Variants in DYM observed in about 807,000 individuals in gnomAD.
The protein encoded by DYM is dymeclin, also known as dyggve-Melchior-Clausen syndrome protein.
In DYM, 78 loss-of-function variants were observed where a neutral mutation model predicts 93.1. The observed-to-expected ratio is 0.84, with a 90% CI of 0.70 to 1.01. The LOEUF (loss-of-function observed/expected upper bound fraction) is 1.01. Among genes scored for constraint, DYM ranks in the 50% least tolerant of loss-of-function variants. The pLI is 0.00. For synonymous variants in DYM, 321 were observed against 319.7 expected, an observed-to-expected ratio of 1.00 and a Z score of -0.04; for missense variants, 789 against 845.0, an observed-to-expected ratio of 0.93 and a Z score of 0.82.
intron 17 of DYM, among the ~76,000 whole-genome samples, chr18:49,071,069 G>A (rs1243055139): frequency 6.6e-6 from 1 of 152,156 alleles, no homozygotes; most frequent in Admixed American, 6.5e-5. Flanking sequence ...GTTCCTGTAG[G>A]TTAGGGCTGG....
intron 13 of DYM, among the ~76,000 whole-genome samples, chr18:49,225,662 T>C (rs1361793015): frequency 6.6e-6 from 1 of 152,140 alleles, no homozygotes; most frequent in Admixed American, 6.6e-5. Flanking sequence ...TGTAGTAAAA[T>C]ACAATTTTTA....
chr18:49,306,872 T>C (rs184775431), intron 8 of DYM, among the ~76,000 whole-genome samples: 56 of 152,286 alleles, frequency 3.7e-4, no homozygotes, highest in African/African-American at 1.3e-3. Flanking sequence ...CTACTCTGGA[T>C]TTAAATGTTT....
intron 14 of DYM, among the ~76,000 whole-genome samples, chr18:49,196,122 C>T (rs1275766071): frequency 2.6e-5 from 4 of 151,874 alleles, no homozygotes; most frequent in African/African-American, 4.8e-5. Context: ...GATGGGGTTT[C>T]GCCATGTTGG....
At chr18:49,080,103 GGCGGGGGGCTGA>G (rs2077700582) in intron 17 of DYM, among the ~76,000 whole-genome samples, 1 of 132,370 alleles carries the variant, frequency 7.6e-6, no homozygotes, top group Non-Finnish European at 1.6e-5. Context: ...CGGCTGGCCG[GGCGGGGGGCTGA>G]CCCCCCCACC....
chr18:49,431,013 A>G (rs1041277383), intron 1 of DYM, among the ~76,000 whole-genome samples: 18 of 152,224 alleles, frequency 1.2e-4, no homozygotes, highest in Admixed American at 1.2e-3. Context: ...AAAATGTCTC[A>G]AAGCAAAATC....
intron 13 of DYM, among the ~76,000 whole-genome samples, chr18:49,224,262 A>G (rs978922174): frequency 1.3e-5 from 2 of 152,052 alleles, no homozygotes; most frequent in Admixed American, 1.3e-4. Flanking sequence ...CAAGATTTCC[A>G]TTTTCGACAT....
intron 2 of DYM, among the ~76,000 whole-genome samples, chr18:49,415,869 G>A (rs761968250): frequency 1.1e-3 from 171 of 150,350 alleles, no homozygotes; most frequent in Admixed American, 3.5e-3. Flanking sequence ...AGAGGCTGCA[G>A]TGAGCCAAGG....
chr18:49,051,663 C>T (rs2072461172), intron 17 of DYM, among the ~76,000 whole-genome samples: 1 of 152,184 alleles, frequency 6.6e-6, no homozygotes, highest in Non-Finnish European at 1.5e-5. Flanking sequence ...TTTTTAAAGG[C>T]TAAGGCTCCC....
chr18:49,056,312 A>G (rs963437674), intron 17 of DYM, among the ~76,000 whole-genome samples: 1 of 152,056 alleles, frequency 6.6e-6, no homozygotes, highest in African/African-American at 2.4e-5. Flanking sequence ...AATACTTGAA[A>G]CTCTGTTTTC....
chr18:49,170,884 G>A (rs2088619570), intron 14 of DYM, among the ~76,000 whole-genome samples: 1 of 147,696 alleles, frequency 6.8e-6, no homozygotes, highest in African/African-American at 2.5e-5. Context: ...AGTAGGAGAA[G>A]AACTAGGAAA....
intron 5 of DYM, among the ~76,000 whole-genome samples, chr18:49,376,069 C>T (rs893246550): frequency 2.6e-5 from 4 of 152,144 alleles, no homozygotes; most frequent in Non-Finnish European, 4.4e-5. Context: ...GGCTTCCTTG[C>T]TCCTCAGCTT....
chr18:49,344,719 C>T (rs532008985), intron 6 of DYM, among the ~76,000 whole-genome samples: 2 of 151,528 alleles, frequency 1.3e-5, no homozygotes, highest in Non-Finnish European at 2.9e-5. Flanking sequence ...AAAAAAAGAC[C>T]TGAATCCATA....
chr18:49,321,033 C>A (rs2062443708), intron 8 of DYM: 2 of 202,134 alleles, frequency 9.9e-6, no homozygotes. Flanking sequence ...AAAGTTTACA[C>A]TCACTTGACT....
At chr18:49,216,916 C>T (rs918328003) in intron 13 of DYM, among the ~76,000 whole-genome samples, 11 of 152,190 alleles carry the variant, frequency 7.2e-5, no homozygotes, top group South Asian at 2.1e-4. Flanking sequence ...ATGACTTTGA[C>T]GAGTGGAGAG....
rs527587785 is a variant in DYM at position 49,288,213 on chromosome 18, A to G, written c.764-1597T>C. Among the ~76,000 whole-genome samples the G allele has an allele frequency of 3.9e-5, 6 of 152,312 alleles. No homozygotes were observed. In the South Asian group the frequency reaches 1.2e-3, roughly 32 times the overall value. Reference sequence around the variant, plus strand: ...TGATACTCCATTACTGACACACTATAACTAATAGAAGATTTTGGTGCAGTA... The same window carrying G: ...TGATACTCCATTACTGACACACTATGACTAATAGAAGATTTTGGTGCAGTA... On this transcript the variant is annotated intron_variant, in intron 8 of 17. Transcript: ENST00000675505.
chr18:49,395,924 G>C (rs2147968144), intron 2 of DYM, among the ~76,000 whole-genome samples: 1 of 152,270 alleles, frequency 6.6e-6, no homozygotes, highest in East Asian at 1.9e-4. Context: ...CTGGGTCATG[G>C]GGGCAGATCC....
intron 17 of DYM, among the ~76,000 whole-genome samples, chr18:49,079,204 C>A (rs1183475168): frequency 6.6e-6 from 1 of 151,814 alleles, no homozygotes; most frequent in Non-Finnish European, 1.5e-5. Flanking sequence ...ATGTTTCATG[C>A]AAAGAAAAAA....
chr18:49,321,238 T>C (rs1415875393), intron 8 of DYM: 2 of 396,160 alleles, frequency 5.0e-6, no homozygotes, highest in Non-Finnish European at 8.9e-6. Context: ...TAAATGGCAC[T>C]TGTAGCAAGT....
chr18:49,212,738 C>G (rs970903152), intron 13 of DYM, among the ~76,000 whole-genome samples: 1 of 152,094 alleles, frequency 6.6e-6, no homozygotes, highest in Non-Finnish European at 1.5e-5. Context: ...CTCAAGTGAT[C>G]CATCCACCCT....
Sources: gnomAD v4.1 joint callset for allele counts (sites outside exome capture counted in the v4.1 genomes callset) on GRCh38, gnomAD v4.1.1 for gene constraint, MANE v1.5 for transcripts, NCBI Gene and HGNC (gene_info 2026-07-23, HGNC 2026-07-21) for gene names.